The following EEIG2 variants were observed in gnomAD, a reference collection of about 807,000 sequenced individuals.
EEIG2 encodes the protein EEIG family member 2, also known as family with sequence similarity 102 member B.
chr1:108,580,312 C>T, the EEIG2 span, among the ~76,000 whole-genome samples: 2 of 152,154 alleles, frequency 1.3e-5, no homozygotes, highest in Non-Finnish European at 2.9e-5. Flanking sequence ...CATCTCCCTT[C>T]CCCTTCTGGG....
At chr1:108,625,611 A>ATTC in the EEIG2 span, 1 of 152,130 alleles carries the variant, frequency 6.6e-6, no homozygotes, top group Non-Finnish European at 1.5e-5. Flanking sequence ...AAATATGCTG[A>ATTC]TTTCTTTCTC....
chr1:108,592,586 C>T, the EEIG2 span, among the ~76,000 whole-genome samples: 2 of 152,048 alleles, frequency 1.3e-5, no homozygotes, highest in Admixed American at 6.5e-5. Context: ...GCTTATTGCC[C>T]AGGAAGTGAA....
chr1:108,560,312 G>GCGCCCC, the EEIG2 span: 1 of 823,764 alleles, frequency 1.2e-6, no homozygotes, highest in Non-Finnish European at 1.5e-6. Context: ...CCCCCCGGCC[G>GCGCCCC]CGCCCCCGCG....
At chr1:108,583,953 C>T in the EEIG2 span, among the ~76,000 whole-genome samples, 926 of 151,676 alleles carry the variant, frequency 6.1e-3, 5 homozygotes, top group Admixed American at 9.9e-3. Flanking sequence ...TCAGCTCTGC[C>T]ATAGCGTAGA....
the EEIG2 span, among the ~76,000 whole-genome samples, chr1:108,630,770 T>C: frequency 2.6e-5 from 4 of 152,298 alleles, no homozygotes; most frequent in Admixed American, 6.5e-5. Flanking sequence ...CACACTTCTG[T>C]GCACCCCTAA....
chr1:108,571,664 A>T, the EEIG2 span, among the ~76,000 whole-genome samples: 2 of 152,184 alleles, frequency 1.3e-5, 1 homozygote, highest in East Asian at 3.8e-4. Context: ...GTGTCAAGTG[A>T]TACAAGACAG....
At chr1:108,618,544 A>C in the EEIG2 span, among the ~76,000 whole-genome samples, 1 of 152,196 alleles carries the variant, frequency 6.6e-6, no homozygotes, top group Non-Finnish European at 1.5e-5. Flanking sequence ...AGAAAACTAA[A>C]GAAAACATTA....
chr1:108,620,740 G>A, the EEIG2 span, among the ~76,000 whole-genome samples: 5 of 152,092 alleles, frequency 3.3e-5, no homozygotes, highest in African/African-American at 1.2e-4. Context: ...AGAGGTTAAG[G>A]AATTAATTCT....
chr1:108,588,259 T>A, the EEIG2 span, among the ~76,000 whole-genome samples: 1 of 152,192 alleles, frequency 6.6e-6, no homozygotes, highest in African/African-American at 2.4e-5. Flanking sequence ...ATCATGGTGC[T>A]ATTTTTTATT....
At chr1:108,629,856 TAAA>T in the EEIG2 span, 1 of 621,222 alleles carries the variant, frequency 1.6e-6, no homozygotes, top group Admixed American at 2.5e-5. Context: ...TTATATTTTA[TAAA>T]TTAGTTTTTA....
chr1:108,568,103 T>C, the EEIG2 span, among the ~76,000 whole-genome samples: 1 of 152,154 alleles, frequency 6.6e-6, no homozygotes, highest in Non-Finnish European at 1.5e-5. Flanking sequence ...TTAGTCACAT[T>C]ATTGGATAGT....
At chr1:108,582,998 C>T in the EEIG2 span, among the ~76,000 whole-genome samples, 4 of 151,484 alleles carry the variant, frequency 2.6e-5, no homozygotes, top group South Asian at 8.4e-4. Flanking sequence ...TTCTCCTGAT[C>T]AGCATACAAA....
At chr1:108,588,506 T>C in the EEIG2 span, among the ~76,000 whole-genome samples, 1 of 152,214 alleles carries the variant, frequency 6.6e-6, no homozygotes, top group Non-Finnish European at 1.5e-5. Context: ...ATGTCTTCTT[T>C]TTTTATTGTA....
the EEIG2 span, among the ~76,000 whole-genome samples, chr1:108,633,601 T>A: frequency 6.6e-6 from 1 of 152,242 alleles, no homozygotes; most frequent in African/African-American, 2.4e-5. Flanking sequence ...AGTCTGCCTG[T>A]ATTTTTATTT....
the EEIG2 span, chr1:108,628,206 G>T: frequency 5.0e-6 from 8 of 1,614,144 alleles, no homozygotes; most frequent in East Asian, 2.2e-5. Context: ...GACGAACTTG[G>T]TGCCTGTGGA....
chr1:108,584,450 T>C, the EEIG2 span, among the ~76,000 whole-genome samples: 2 of 152,214 alleles, frequency 1.3e-5, no homozygotes, highest in African/African-American at 4.8e-5. Context: ...CCAAGACTTA[T>C]TTTATCTTAC....
At chr1:108,611,840 A>G in the EEIG2 span, among the ~76,000 whole-genome samples, 33 of 152,336 alleles carry the variant, frequency 2.2e-4, no homozygotes, top group Middle Eastern at 6.8e-3. Flanking sequence ...TGTAAATACC[A>G]CTATTTGCAA....
the EEIG2 span, among the ~76,000 whole-genome samples, chr1:108,609,552 CGA>C: frequency 6.6e-6 from 1 of 152,008 alleles, no homozygotes; most frequent in Admixed American, 6.6e-5. Flanking sequence ...TAAGAAAATC[CGA>C]GAGACAGCAT....
At chr1:108,592,551 G>T in the EEIG2 span, among the ~76,000 whole-genome samples, 1 of 152,176 alleles carries the variant, frequency 6.6e-6, no homozygotes, top group African/African-American at 2.4e-5. Context: ...TACTTGGGAG[G>T]CAGTATCTAT....
Sources: gnomAD v4.1 joint callset for allele counts (sites outside exome capture counted in the v4.1 genomes callset) on GRCh38, gnomAD v4.1.1 for gene constraint, MANE v1.5 for transcripts, NCBI Gene and HGNC (gene_info 2026-07-23, HGNC 2026-07-21) for gene names.